Variants in DCDC2 observed in about 807,000 individuals in gnomAD.
DCDC2 encodes doublecortin domain-containing protein 2.
In DCDC2, 40 loss-of-function variants were observed where a neutral mutation model predicts 50.2. That is an observed-to-expected ratio of 0.80 (90% CI 0.62 to 1.04). The LOEUF (loss-of-function observed/expected upper bound fraction) is 1.04. Ranked by LOEUF, DCDC2 falls within the 50% of genes least tolerant of loss-of-function variation. The pLI, the probability that DCDC2 is intolerant of heterozygous loss-of-function variation, is 0.00. For synonymous variants in DCDC2, 234 were observed against 210.6 expected (o/e 1.11, Z -0.96); for missense variants, 570 against 581.9 (o/e 0.98, Z 0.21).
intron 2 of DCDC2, among the ~76,000 whole-genome samples, chr6:24,307,116 G>A (rs925352582): frequency 6.6e-6 from 1 of 152,056 alleles, no homozygotes; most frequent in Non-Finnish European, 1.5e-5. Flanking sequence ...CTAGCCCAAA[G>A]GGATGCTCCA....
intron 7 of DCDC2, among the ~76,000 whole-genome samples, chr6:24,209,284 C>T (rs532415340): frequency 2.7e-3 from 416 of 152,198 alleles, no homozygotes; most frequent in Non-Finnish European, 4.2e-3. Context: ...TACCATATTC[C>T]CTTTATTACT....
At chr6:24,359,496 A>G (rs1452102746), upstream of DCDC2, among the ~76,000 whole-genome samples, 4 of 91,158 alleles carry the variant, frequency 4.4e-5, no homozygotes, top group Non-Finnish European at 8.0e-5. Context: ...ATAATATATT[A>G]TATATATTTT....
chr6:24,213,194 T>G (rs956822060), intron 7 of DCDC2, among the ~76,000 whole-genome samples: 8 of 152,164 alleles, frequency 5.3e-5, no homozygotes, highest in African/African-American at 1.7e-4. Flanking sequence ...TGAAACTGAT[T>G]GAGATTTATG....
chr6:24,227,346 G>C (rs1329679962), intron 7 of DCDC2, among the ~76,000 whole-genome samples: 3 of 152,076 alleles, frequency 2.0e-5, no homozygotes, highest in African/African-American at 7.2e-5. Flanking sequence ...CCTTCTATGT[G>C]GTCTGTAGAA....
At chr6:24,366,433 A>AG in the DCDC2 span, among the ~76,000 whole-genome samples, 8 of 152,230 alleles carry the variant, frequency 5.3e-5, no homozygotes, top group Non-Finnish European at 1.0e-4. Context: ...TAAAGTAGCA[A>AG]GTTTAGAGGC....
At chr6:24,248,056 A>G (rs889462531) in intron 7 of DCDC2, among the ~76,000 whole-genome samples, 2 of 152,256 alleles carry the variant, frequency 1.3e-5, no homozygotes. Context: ...AGCCTGGGCA[A>G]CAAGAACAAA....
intron 9 of DCDC2, 136 bp downstream of exon 9, chr6:24,178,194 G>T (rs1760968358): frequency 2.5e-6 from 2 of 815,744 alleles, no homozygotes; most frequent in African/African-American, 1.7e-5. Context: ...GGGATTAAAT[G>T]GTATTGGATC....
chr6:24,248,261 G>A (rs1309620751), intron 7 of DCDC2, among the ~76,000 whole-genome samples: 1 of 152,112 alleles, frequency 6.6e-6, no homozygotes. Flanking sequence ...TATTACCACA[G>A]GACACCATAC....
the DCDC2 span, among the ~76,000 whole-genome samples, chr6:24,381,860 A>AAGGAAGGT: frequency 7.1e-6 from 1 of 140,454 alleles, no homozygotes; most frequent in African/African-American, 2.7e-5. Flanking sequence ...GGAAGGAAGG[A>AAGGAAGGT]GAAATAAAAG....
intron 7 of DCDC2, among the ~76,000 whole-genome samples, chr6:24,271,223 A>AAAAAAAAC (rs1763232095): frequency 6.7e-6 from 1 of 149,856 alleles, no homozygotes; most frequent in Non-Finnish European, 1.5e-5. Context: ...AAAAAAAAAA[A>AAAAAAAAC]AAGAGAGAGA....
At chr6:24,203,423 G>A (rs1761632133) in intron 8 of DCDC2, among the ~76,000 whole-genome samples, 1 of 152,188 alleles carries the variant, frequency 6.6e-6, no homozygotes, top group African/African-American at 2.4e-5. Context: ...TGGGAAAACT[G>A]GCTAGCCACA....
At position 24,357,682 on chromosome 6, in the gene DCDC2, G is replaced by T. The variant is rs780596687; in HGVS notation, c.69C>A (p.Arg23=). The T allele has an allele frequency of 6.2e-7, 1 of 1,613,424 alleles. No homozygotes were observed. Among genetic ancestry groups the T allele is most frequent in the East Asian group, 2.2e-5 (1 of 44,874 alleles). ...GCCCCGCGTAGAAGGGGTCCCCGTT[G>T]CGGTACACAAGCACGCTCTTCACGA... ...QPVVKSVLVY[R]NGDPFYAGRR... The change falls in exon 1 of 10, where the codon CGC becomes CGA. Residue 23 remains arginine (R), a synonymous_variant. Transcript: ENST00000378454.
intron 2 of DCDC2, among the ~76,000 whole-genome samples, chr6:24,339,338 C>T (rs764553622): frequency 1.7e-4 from 26 of 152,254 alleles, no homozygotes; most frequent in Admixed American, 3.3e-4. Context: ...AGCTTGCGTA[C>T]GGCCCCATCT....
At chr6:24,282,767 T>C (rs1048519818) in intron 6 of DCDC2, among the ~76,000 whole-genome samples, 1 of 8,156 alleles carries the variant, frequency 1.2e-4, no homozygotes, top group Admixed American at 1.6e-3. Flanking sequence ...CATTATAAGC[T>C]GGGGGTGGGG....
intron 8 of DCDC2, among the ~76,000 whole-genome samples, chr6:24,184,596 A>G (rs1761151959): frequency 1.3e-5 from 2 of 151,594 alleles, no homozygotes. Flanking sequence ...AAAAAAAAGA[A>G]TTACTGACCT....
intron 2 of DCDC2, among the ~76,000 whole-genome samples, chr6:24,339,339 G>A (rs181808141): frequency 9.1e-4 from 139 of 152,168 alleles, no homozygotes; most frequent in Non-Finnish European, 1.1e-3. Flanking sequence ...GCTTGCGTAC[G>A]GCCCCATCTT....
chr6:24,301,249 T>C (rs943619042), intron 4 of DCDC2, among the ~76,000 whole-genome samples: 25 of 151,056 alleles, frequency 1.7e-4, no homozygotes, highest in African/African-American at 5.8e-4. Context: ...TGGGCGCCTG[T>C]GGTCCCAGCT....
chr6:24,235,767 T>C (rs1361369722), intron 7 of DCDC2, among the ~76,000 whole-genome samples: 3 of 152,168 alleles, frequency 2.0e-5, no homozygotes, highest in Non-Finnish European at 4.4e-5. Context: ...CTCTCACCTC[T>C]ACAAAAGCAC....
At chr6:24,358,901 T>TATATTAG (rs1760555251), upstream of DCDC2, among the ~76,000 whole-genome samples, 1 of 22,378 alleles carries the variant, frequency 4.5e-5, no homozygotes, top group Non-Finnish European at 6.5e-5. Context: ...ATATATATAA[T>TATATTAG]ATATTATATA....
Sources: gnomAD v4.1 joint callset for allele counts (sites outside exome capture counted in the v4.1 genomes callset) on GRCh38, gnomAD v4.1.1 for gene constraint, MANE v1.5 for transcripts, NCBI Gene and HGNC (gene_info 2026-07-23, HGNC 2026-07-21) for gene names.